RSPO2: variants seen among roughly 807,000 people sequenced by gnomAD.
RSPO2 encodes the protein R-spondin-2.
In RSPO2, 14 loss-of-function variants were observed where a neutral mutation model predicts 30.9. The observed-to-expected ratio is 0.45, with a 90% CI of 0.30 to 0.71. The LOEUF (loss-of-function observed/expected upper bound fraction) is 0.71. RSPO2 is among the 30% of genes least tolerant of loss of function. The probability of loss-of-function intolerance (pLI) is 0.08; values close to 1 mark genes in which losing one functional copy is unlikely to be tolerated. For missense variants in RSPO2, 264 were observed against 301.9 expected (o/e 0.87, Z 0.93); for synonymous variants, 107 against 96.4 (o/e 1.11, Z -0.64).
chr8:108,056,606 C>T (rs1243959094), intron 2 of RSPO2, among the ~76,000 whole-genome samples: 7 of 104,850 alleles, frequency 6.7e-5, no homozygotes, highest in Non-Finnish European at 1.1e-4. Context: ...CTGGGTGACA[C>T]AGAGCCAGAC....
intron 2 of RSPO2, among the ~76,000 whole-genome samples, chr8:108,027,161 C>T (rs961072487): frequency 6.2e-4 from 94 of 152,272 alleles, no homozygotes; most frequent in African/African-American, 2.1e-3. Context: ...TACCTAAGTT[C>T]AACTTCTGAT....
chr8:107,968,102 A>C (rs1813872806), intron 3 of RSPO2, among the ~76,000 whole-genome samples: 1 of 152,176 alleles, frequency 6.6e-6, no homozygotes, highest in Non-Finnish European at 1.5e-5. Context: ...GTATATATCC[A>C]AAAGAGGGGA....
At chr8:108,061,546 A>ATGT (rs1812464814) in intron 2 of RSPO2, among the ~76,000 whole-genome samples, 1 of 151,078 alleles carries the variant, frequency 6.6e-6, no homozygotes, top group African/African-American at 2.4e-5. Context: ...AAATCCTTAG[A>ATGT]GACCTACAAA....
intron 2 of RSPO2, among the ~76,000 whole-genome samples, chr8:108,050,359 A>T (rs920001483): frequency 5.9e-5 from 9 of 152,186 alleles, no homozygotes; most frequent in Non-Finnish European, 8.8e-5. Context: ...TGCAAGAGTG[A>T]GATTTATGAT....
chr8:107,919,875 C>A (rs1421183339), intron 5 of RSPO2, among the ~76,000 whole-genome samples: 2 of 152,034 alleles, frequency 1.3e-5, no homozygotes, highest in African/African-American at 4.8e-5. Flanking sequence ...ATAAGAGTTG[C>A]AAAATTGCTA....
At chr8:107,979,481 T>C (rs1341634009) in intron 3 of RSPO2, among the ~76,000 whole-genome samples, 1 of 151,872 alleles carries the variant, frequency 6.6e-6, no homozygotes, top group African/African-American at 2.4e-5. Flanking sequence ...AATTGAACAA[T>C]GAGAACACCT....
At chr8:108,059,008 T>A (rs1400549484) in intron 2 of RSPO2, among the ~76,000 whole-genome samples, 1 of 151,760 alleles carries the variant, frequency 6.6e-6, no homozygotes, top group Non-Finnish European at 1.5e-5. Context: ...GGGATCTAAT[T>A]AAACTCAAGA....
At chr8:108,044,490 G>C (rs796143011) in intron 2 of RSPO2, among the ~76,000 whole-genome samples, 1 of 151,964 alleles carries the variant, frequency 6.6e-6, no homozygotes, top group African/African-American at 2.4e-5. Flanking sequence ...GCATTAACTC[G>C]CATAGGATAA....
At chr8:107,975,798 G>A (rs907345540) in intron 3 of RSPO2, among the ~76,000 whole-genome samples, 3 of 152,118 alleles carry the variant, frequency 2.0e-5, no homozygotes, top group Non-Finnish European at 2.9e-5. Context: ...CTAGATATAC[G>A]GTTTTATCCC....
chr8:108,036,683 G>C (rs190753647), intron 2 of RSPO2, among the ~76,000 whole-genome samples: 11 of 152,192 alleles, frequency 7.2e-5, no homozygotes, highest in Non-Finnish European at 1.5e-4. Flanking sequence ...TTCTTGCTGG[G>C]GGTGAGGTGG....
chr8:107,927,003 C>T (rs1295446849), intron 5 of RSPO2, among the ~76,000 whole-genome samples: 28 of 152,194 alleles, frequency 1.8e-4, no homozygotes, highest in South Asian at 4.2e-4. Flanking sequence ...GCCATTTTCA[C>T]GATATTGATT....
At chr8:107,989,420 C>T (rs1814773036) in intron 2 of RSPO2, 176 bp from the exon 3 acceptor site, 1 of 518,766 alleles carries the variant, frequency 1.9e-6, no homozygotes, top group East Asian at 3.4e-5. Context: ...GTTGTTAATA[C>T]ACAACCAAAC....
intron 2 of RSPO2, among the ~76,000 whole-genome samples, chr8:108,007,908 G>C (rs1815505151): frequency 6.6e-6 from 1 of 151,918 alleles, no homozygotes; most frequent in African/African-American, 2.4e-5. Flanking sequence ...CCTGTGAATA[G>C]CCACTGCACT....
chr8:107,960,311 A>G (rs1490263372), intron 4 of RSPO2, among the ~76,000 whole-genome samples: 1 of 152,026 alleles, frequency 6.6e-6, no homozygotes, highest in African/African-American at 2.4e-5. Flanking sequence ...ACATAGCAGG[A>G]GCAATAGAGT....
intron 2 of RSPO2, 180 bp from the exon 3 acceptor site, chr8:107,989,424 AC>A: frequency 1.9e-6 from 1 of 517,020 alleles, no homozygotes; most frequent in Non-Finnish European, 3.3e-6. Context: ...TTAATACACA[AC>A]CAAACTTAGA....
At chr8:107,937,806 T>G (rs546350843) in intron 5 of RSPO2, among the ~76,000 whole-genome samples, 1 of 152,092 alleles carries the variant, frequency 6.6e-6, no homozygotes, top group Non-Finnish European at 1.5e-5. Context: ...AAAGTTACTC[T>G]CACCAAAATT....
chr8:107,963,522 C>T (rs569891290), intron 3 of RSPO2, among the ~76,000 whole-genome samples: 1 of 32,014 alleles, frequency 3.1e-5, no homozygotes, highest in African/African-American at 1.5e-4. Context: ...AGACCTGTCT[C>T]AAAAAAAAAA....
chr8:107,941,490 C>T (rs915311619), intron 5 of RSPO2, among the ~76,000 whole-genome samples: 3 of 152,144 alleles, frequency 2.0e-5, no homozygotes, highest in Admixed American at 6.6e-5. Flanking sequence ...TAAATGTAGA[C>T]CATTTTTGTG....
At chr8:107,984,335 A>C (rs1243915101) in intron 3 of RSPO2, among the ~76,000 whole-genome samples, 1 of 152,248 alleles carries the variant, frequency 6.6e-6, no homozygotes, top group Non-Finnish European at 1.5e-5. Flanking sequence ...CATAAATGAT[A>C]ATGCAAAACC....
Sources: gnomAD v4.1 joint callset for allele counts (sites outside exome capture counted in the v4.1 genomes callset) on GRCh38, gnomAD v4.1.1 for gene constraint, MANE v1.5 for transcripts, NCBI Gene and HGNC (gene_info 2026-07-23, HGNC 2026-07-21) for gene names.